WAC: variants seen among roughly 807,000 people sequenced by gnomAD.
The protein encoded by WAC is WW domain-containing adapter protein with coiled-coil.
WAC carries 11 observed loss-of-function variants against 79.6 expected under a neutral mutation model. That is an observed-to-expected ratio of 0.14 (90% CI 0.09 to 0.23). The LOEUF is 0.23. Ranked by LOEUF, WAC falls within the 10% of genes least tolerant of loss-of-function variation. The pLI is 1.00. For missense variants in WAC, 728 were observed against 773.5 expected (o/e 0.94, Z 0.70); for synonymous variants, 304 against 276.9 (o/e 1.10, Z -0.97).
chr10:28,548,045 C>T lies in WAC; in HGVS notation c.274+12288C>T, dbSNP rs374788244. Among the ~76,000 whole-genome samples the T allele has an allele frequency of 1.3e-4, 20 of 151,730 alleles. 1 individual carries two copies. In the Middle Eastern group the frequency reaches 0.017, roughly 129 times the overall value. On this transcript the variant is annotated intron_variant, in intron 3 of 13. Coordinates refer to ENST00000354911, the MANE Select transcript of WAC (RefSeq NM_016628.5). ...AAGGGATTCTCCTGCCTCAGCCTCC[C>T]GAGTAGCTGGGATTACAGGTGCGTG... is the stretch of plus-strand genomic sequence containing the variant.
chr10:28,538,519 T>C (rs1836810212), intron 3 of WAC, among the ~76,000 whole-genome samples: 1 of 148,758 alleles, frequency 6.7e-6, no homozygotes, highest in South Asian at 2.1e-4. Context: ...GAGGTGGAGG[T>C]TGCAGTGAGC....
chr10:28,559,132 CCTG>C (rs1287882809), intron 3 of WAC, among the ~76,000 whole-genome samples: 7 of 68,330 alleles, frequency 1.0e-4, no homozygotes, highest in Admixed American at 1.7e-4. Context: ...TCTCGAGAAA[CCTG>C]ATGTGTGTGT....
intron 3 of WAC, among the ~76,000 whole-genome samples, chr10:28,541,900 T>G (rs1816414015): frequency 6.6e-6 from 1 of 152,174 alleles, no homozygotes; most frequent in Admixed American, 6.5e-5. Flanking sequence ...TTTGTATGAT[T>G]GTTTCCCCAC....
At chr10:28,614,513 G>T in intron 10 of WAC, 54 bp from the exon 11 acceptor site, 2 of 1,362,766 alleles carry the variant, frequency 1.5e-6, no homozygotes, top group Non-Finnish European at 2.1e-6. Flanking sequence ...AGATTTTGGG[G>T]GGAGAGATGT....
At chr10:28,584,548 T>A (rs546924188) in intron 4 of WAC, among the ~76,000 whole-genome samples, 1 of 152,192 alleles carries the variant, frequency 6.6e-6, no homozygotes, top group African/African-American at 2.4e-5. Context: ...ATTTAAAAAA[T>A]TATCTCGGGT....
Position 28,533,148 on chromosome 10 carries a change from A to AGCGGCGGCACCAGCGGCG in WAC, c.-423_-406dup, listed in dbSNP as rs1554775571. ...GCCCGGATGTAGTTGGTGGAGCGGC[A>AGCGGCGGCACCAGCGGCG]GCGGCGGCACCAGCGGCGGCGGCGG... On this transcript the variant is annotated 5_prime_UTR_variant, in exon 1 of 14. Transcript: ENST00000354911. The AGCGGCGGCACCAGCGGCG allele has an allele frequency of 1.0e-4, 17 of 166,568 alleles. No individual in the cohort carries two copies. Among genetic ancestry groups the AGCGGCGGCACCAGCGGCG allele is most frequent in the South Asian group, 2.6e-4 (2 of 7,616 alleles). 10.3% of individuals were successfully genotyped at this position (166,568 alleles called of 1,614,324 possible).
chr10:28,583,720 A>G (rs557583062), intron 4 of WAC, among the ~76,000 whole-genome samples: 2 of 152,268 alleles, frequency 1.3e-5, no homozygotes, highest in Non-Finnish European at 2.9e-5. Flanking sequence ...GTCAGAAGAT[A>G]GTATCTTTGG....
intron 12 of WAC, among the ~76,000 whole-genome samples, chr10:28,617,035 A>T (rs560202118): frequency 1.9e-3 from 291 of 152,234 alleles, no homozygotes; most frequent in Non-Finnish European, 3.0e-3. Context: ...GTGAGCCGAG[A>T]TTGCACCACT....
At chr10:28,589,319 T>C (rs1839977247) in intron 4 of WAC, 2 of 153,964 alleles carry the variant, frequency 1.3e-5, no homozygotes, top group Admixed American at 6.5e-5. Context: ...GATTGTTCTC[T>C]TTTATACCAT....
chr10:28,616,218 T>C lies in WAC; in HGVS notation c.1602T>C (p.Ser534=). The C allele has an allele frequency of 6.2e-7, 1 of 1,613,182 alleles. No individual in the cohort carries two copies. ...CTGGTCCCAATCATACTTCTAATAG[T>C]AGTAATGCATCAAATGCAACAGTTG... ...PSPGPNHTSN[S]SNASNATVVP... The change falls in exon 12 of 14, where the codon AGT becomes AGC. Residue 534 remains serine, a synonymous_variant. Coordinates refer to ENST00000354911, the MANE Select transcript of WAC (RefSeq NM_016628.5).
In WAC at chr10:28,619,786, C is replaced by A; in HGVS notation, c.*180C>A. ...AAAGATACAAGATTGATTTGTAAAA[C>A]CCTTGAAATGTAGATTTCTTGTAGA... On this transcript the variant is annotated 3_prime_UTR_variant, in exon 14 of 14. Coordinates refer to ENST00000354911, the MANE Select transcript of WAC (RefSeq NM_016628.5). 1 of 493,362 alleles carries A rather than the reference C, an allele frequency of 2.0e-6. No homozygotes were observed. 30.6% of individuals were successfully genotyped at this position (493,362 alleles called of 1,614,324 possible). A position where few individuals can be genotyped will look rare whatever the true frequency, so the allele number is the denominator to read the frequency against.
At chr10:28,614,480 T>A (rs370916477) in intron 10 of WAC, 87 bp from the exon 11 acceptor site, 4 of 425,612 alleles carry the variant, frequency 9.4e-6, no homozygotes, top group Non-Finnish European at 1.5e-5. Context: ...TGCCACATTT[T>A]ACATGTTTCA....
intron 3 of WAC, among the ~76,000 whole-genome samples, chr10:28,536,710 A>AT (rs1836699975): frequency 6.6e-6 from 1 of 152,242 alleles, no homozygotes; most frequent in Admixed American, 6.5e-5. Context: ...GAGTCTGAGA[A>AT]TAAGTAAACA....
chr10:28,613,952 C>T (rs1841360634), intron 10 of WAC, among the ~76,000 whole-genome samples: 1 of 152,144 alleles, frequency 6.6e-6, no homozygotes, highest in Admixed American at 6.5e-5. Flanking sequence ...TCTGATAGCC[C>T]AATCACATAT....
chr10:28,608,469 A>T, intron 8 of WAC, 38 bp downstream of exon 8: 3 of 1,533,464 alleles, frequency 2.0e-6, no homozygotes, highest in Non-Finnish European at 2.6e-6. Flanking sequence ...ATTTATTTGC[A>T]TTGTGCAAAG....
chr10:28,572,885 A>G (rs1839050781), intron 3 of WAC, among the ~76,000 whole-genome samples: 1 of 152,194 alleles, frequency 6.6e-6, no homozygotes, highest in Non-Finnish European at 1.5e-5. Context: ...GCAGGGGTCA[A>G]AAGAAGTTAG....
In WAC at chr10:28,533,585, A is replaced by C; in HGVS notation, c.6A>C (p.Val2=). 3 of 1,547,934 alleles carry C rather than the reference A, an allele frequency of 1.9e-6. No individual in the cohort carries two copies. The highest frequency in any genetic ancestry group is 2.6e-5 in the East Asian group (1 of 38,928). M[V]MYARKQQRLS... ...CACTCACAGGCCGGGCATTGATGGT[A>C]ATGTATGCGAGGAAACAGCAGAGAC... Residue 2 remains valine, a synonymous_variant, in exon 1 of 14, where the codon GTA becomes GTC. Transcript: ENST00000354911.
At chr10:28,565,325 CAA>C (rs1236888638) in intron 3 of WAC, among the ~76,000 whole-genome samples, 1 of 152,124 alleles carries the variant, frequency 6.6e-6, no homozygotes, top group African/African-American at 2.4e-5. Flanking sequence ...GATAAATTCC[CAA>C]GAGTGCAACT....
At chr10:28,539,346 CAT>C (rs1338309760) in intron 3 of WAC, among the ~76,000 whole-genome samples, 2 of 152,100 alleles carry the variant, frequency 1.3e-5, no homozygotes, top group African/African-American at 2.4e-5. Flanking sequence ...CTTGCTGTAA[CAT>C]AGCGTGTATA....
Sources: gnomAD v4.1 joint callset for allele counts (sites outside exome capture counted in the v4.1 genomes callset) on GRCh38, gnomAD v4.1.1 for gene constraint, MANE v1.5 for transcripts, NCBI Gene and HGNC (gene_info 2026-07-23, HGNC 2026-07-21) for gene names.